ORC3: variants seen among roughly 807,000 people sequenced by gnomAD.
ORC3 encodes the protein origin recognition complex subunit 3, also known as homolog of latheo, Drosophila.
A neutral mutation model predicts 100.7 loss-of-function variants in ORC3; 78 were observed. That is an observed-to-expected ratio of 0.77 (90% confidence interval 0.65 to 0.94). ORC3 has a LOEUF of 0.94. ORC3 is among the 40% of genes least tolerant of loss of function. ORC3 has a pLI of 0.00. For synonymous variants in ORC3, 295 were observed against 289.3 expected (o/e 1.02, Z -0.20); for missense variants, 789 against 823.9 (o/e 0.96, Z 0.52).
Position 87,603,458 on chromosome 6 carries a change from C to A in ORC3, c.252C>A (p.Phe84Leu). The change falls in exon 4 of 20, where the codon TTC (phenylalanine) becomes TTA (leucine). Residue 84 changes from phenylalanine (F) to leucine (L), a missense_variant. Around this residue, in one of 3 missense-constraint regions of ORC3, gnomAD observed 399 missense variants for 382.0 expected, o/e 1.04. Coordinates refer to ENST00000392844, the MANE Select transcript of ORC3 (RefSeq NM_012381.4). ...TTCTGCAAAAATCACATTCTGGATT[C>A]CAGAAGAATTCAAGAGACTTGGGCG... ...IEFLQKSHSGFQKNSRDLGGQ... is the reference protein window; with the variant it reads ...IEFLQKSHSGLQKNSRDLGGQ... 2 of 1,534,468 alleles carry A rather than the reference C, an allele frequency of 1.3e-6. No homozygotes were observed. The highest frequency in any genetic ancestry group is 8.9e-7 in the Non-Finnish European group (1 of 1,124,264).
In ORC3 at chr6:87,635,786, C is replaced by T. The variant is rs147224430; in HGVS notation, c.1303-621C>T. ...CAGCCTGGATGACAGAGTGAGACTC[C>T]GTCTAAAAAAAAAGAATGACTTGTT... On this transcript the variant is annotated intron_variant, in intron 12 of 19. Coordinates refer to ENST00000392844, the MANE Select transcript of ORC3 (RefSeq NM_012381.4). Among the ~76,000 whole-genome samples the T allele has an allele frequency of 3.3e-3, 494 of 151,328 alleles. 3 individuals are homozygous for T. The highest frequency in any genetic ancestry group is 6.8e-3 in the Middle Eastern group (2 of 294).
intron 12 of ORC3, among the ~76,000 whole-genome samples, chr6:87,635,198 G>A (rs763471213): frequency 3.3e-5 from 5 of 152,232 alleles, no homozygotes; most frequent in Middle Eastern, 6.8e-3. Flanking sequence ...CCCCTACAAT[G>A]TTTTTGTACT....
chr6:87,658,157 C>T (rs1429062024), intron 16 of ORC3, 139 bp downstream of exon 16: 1 of 546,948 alleles, frequency 1.8e-6, no homozygotes, highest in Non-Finnish European at 3.3e-6. Context: ...CTCCATCTAG[C>T]TTAGAGTTGT....
intron 4 of ORC3, among the ~76,000 whole-genome samples, chr6:87,605,704 G>A (rs541675273): frequency 6.6e-6 from 1 of 151,998 alleles, no homozygotes; most frequent in African/African-American, 2.4e-5. Context: ...GTTTGAAAGA[G>A]GAATTGTGCA....
Position 87,658,018 on chromosome 6 carries a change from G to A in ORC3, c.1691G>A (p.Arg564Lys). Residue 564 changes from arginine to lysine, a missense_variant and splice_region_variant, in exon 16 of 20, where the codon AGA becomes AAA. Around this residue, in one of 3 missense-constraint regions of ORC3, gnomAD observed 366 missense variants for 394.2 expected, o/e 0.93. Coordinates refer to ENST00000392844, the MANE Select transcript of ORC3 (RefSeq NM_012381.4). ...GTGAACTTCATTGACTGTCTAGTGAGGTAAGTCTAAATTTAGCTCTTAAGA... is the reference window on the plus strand; with the variant it reads ...GTGAACTTCATTGACTGTCTAGTGAAGTAAGTCTAAATTTAGCTCTTAAGA... ...NVVNFIDCLV[R>K]EYLLPPETQP... 4 of 1,556,758 alleles carry A rather than the reference G, an allele frequency of 2.6e-6. No individual in the cohort carries two copies. The highest frequency in any genetic ancestry group is 1.1e-5 in the South Asian group (1 of 89,728).
At chr6:87,610,434 C>T (rs1451142419) in intron 7 of ORC3, among the ~76,000 whole-genome samples, 1 of 152,116 alleles carries the variant, frequency 6.6e-6, no homozygotes, top group Non-Finnish European at 1.5e-5. Context: ...GTCTCAAACT[C>T]CTGACCTCAG....
intron 13 of ORC3, chr6:87,651,220 G>C: frequency 2.2e-6 from 1 of 456,228 alleles, no homozygotes. Flanking sequence ...GCTCAAAGTG[G>C]ACAAGAGCTG....
At chr6:87,597,511 C>T (rs1777538850) in intron 2 of ORC3, among the ~76,000 whole-genome samples, 1 of 151,978 alleles carries the variant, frequency 6.6e-6, no homozygotes, top group South Asian at 2.1e-4. Flanking sequence ...ATTCCATATT[C>T]AGCACTGTGA....
intron 11 of ORC3, among the ~76,000 whole-genome samples, chr6:87,628,793 C>T: frequency 6.6e-6 from 1 of 152,126 alleles, no homozygotes; most frequent in East Asian, 1.9e-4. Flanking sequence ...TCACCTTTGA[C>T]CCCACCTCTT....
At chr6:87,604,742 A>G (rs1448779828) in intron 4 of ORC3, among the ~76,000 whole-genome samples, 2 of 152,214 alleles carry the variant, frequency 1.3e-5, no homozygotes, top group Non-Finnish European at 2.9e-5. Flanking sequence ...GGGATGTGTT[A>G]TTATAATCAT....
chr6:87,597,380 A>T (rs934360435), intron 2 of ORC3, among the ~76,000 whole-genome samples: 10 of 152,140 alleles, frequency 6.6e-5, no homozygotes, highest in African/African-American at 2.4e-4. Context: ...TTTGGATTAG[A>T]GATGCTCAAC....
At position 87,603,517 on chromosome 6, in the gene ORC3, C is replaced by T. The variant is rs1277651335; in HGVS notation, c.311C>T (p.Ala104Val). 2.0e-6 allele frequency: 3 copies of T among 1,515,216 alleles called. No homozygotes were observed. In the African/African-American group the frequency reaches 4.1e-5, roughly 21 times the overall value. The allele number at this position is 1,515,216 out of a possible 1,614,324, so 93.9% of individuals were successfully genotyped here. Reference sequence around the variant, plus strand: ...AAACTCAGAGAAATTCCAACTGCTGCTCTTGTTCTTGGTATATATGCGTAT... The same window carrying T: ...AAACTCAGAGAAATTCCAACTGCTGTTCTTGTTCTTGGTATATATGCGTAT... ...QIKLREIPTA[A>V]LVLGVNVTDH... The change falls in exon 4 of 20, where the codon GCT becomes GTT. Residue 104 changes from alanine to valine, a missense_variant. Ala to Val is a moderately conservative substitution (Grantham distance 64). Around this residue, in one of 3 missense-constraint regions of ORC3, gnomAD observed 399 missense variants for 382.0 expected, o/e 1.04. Transcript: ENST00000392844.
rs922109135 is a variant in ORC3 at position 87,664,820 on chromosome 6, A to G, written c.1911A>G (p.Leu637=). 6.2e-7 allele frequency: 1 copy of G among 1,613,948 alleles called. No homozygotes were observed. The highest frequency in any genetic ancestry group is 8.5e-7 in the Non-Finnish European group (1 of 1,179,798). Residue 637 remains leucine (L), a synonymous_variant, in exon 18 of 20, where the codon CTA becomes CTG. Coordinates refer to ENST00000392844, the MANE Select transcript of ORC3 (RefSeq NM_012381.4). ...TCTGCATAGCATACAAACTGCACCT[A>G]GAGTGTAGCAGGCTCATCAACCTCG... ...PDICIAYKLH[L]ECSRLINLVD...
chr6:87,675,106 G>A, the ORC3 span: 1 of 153,016 alleles, frequency 6.5e-6, no homozygotes. Context: ...AGAAGTCCTG[G>A]AATACAGAAA....
chr6:87,613,509 A>C (rs1778930757), intron 8 of ORC3, among the ~76,000 whole-genome samples: 2 of 152,154 alleles, frequency 1.3e-5, no homozygotes, highest in Non-Finnish European at 2.9e-5. Context: ...AGTCCCCCAA[A>C]GTCCTAACTC....
At chr6:87,663,271 A>G (rs973908870) in intron 17 of ORC3, 127 bp downstream of exon 17, 10 of 626,062 alleles carry the variant, frequency 1.6e-5, no homozygotes, top group Non-Finnish European at 2.5e-5. Context: ...TGCACGTCTC[A>G]TATATTTTTA....
the ORC3 span, among the ~76,000 whole-genome samples, chr6:87,676,938 A>G: frequency 5.9e-5 from 9 of 151,834 alleles, no homozygotes; most frequent in Non-Finnish European, 8.8e-5. Flanking sequence ...TTAGCCGGGC[A>G]TGGTGGTAGG....
At chr6:87,657,024 T>TC in intron 15 of ORC3, 42 bp downstream of exon 15, 2 of 1,287,242 alleles carry the variant, frequency 1.6e-6, no homozygotes, top group Non-Finnish European at 1.1e-6. Context: ...CCTGTGACAC[T>TC]CCCTTTTTTC....
intron 4 of ORC3, among the ~76,000 whole-genome samples, chr6:87,605,003 C>T (rs1336486983): frequency 1.3e-5 from 2 of 152,148 alleles, no homozygotes; most frequent in East Asian, 3.8e-4. Flanking sequence ...TTCTAGAAAT[C>T]ACAGATGGTT....
Sources: gnomAD v4.1 joint callset for allele counts (sites outside exome capture counted in the v4.1 genomes callset) on GRCh38, gnomAD v4.1.1 for gene constraint, gnomAD v4.1.1 regional missense constraint, MANE v1.5 for transcripts, NCBI Gene and HGNC (gene_info 2026-07-23, HGNC 2026-07-21) for gene names.